KIAA0825: variants seen among roughly 807,000 people sequenced by gnomAD.
KIAA0825 encodes uncharacterized protein KIAA0825.
Under a neutral mutation model 147.6 loss-of-function variants are expected in KIAA0825, and 119 were observed. The observed-to-expected ratio is 0.81, with a 90% CI of 0.69 to 0.94. The LOEUF is 0.94. Among genes scored for constraint, KIAA0825 ranks in the 40% least tolerant of loss-of-function variants. The pLI is 0.00. For synonymous variants in KIAA0825, 470 were observed against 518.1 expected (o/e 0.91, Z 1.26); for missense variants, 1,381 against 1,472.7 (o/e 0.94, Z 1.02).
chr5:94,338,144 AT>A (rs879633923), intron 20 of KIAA0825, among the ~76,000 whole-genome samples: 2 of 152,178 alleles, frequency 1.3e-5, no homozygotes, highest in Admixed American at 1.3e-4. Context: ...ATGAGTGATA[AT>A]TCTCTCCATT....
intron 20 of KIAA0825, among the ~76,000 whole-genome samples, chr5:94,203,366 G>A (rs932397304): frequency 3.3e-5 from 5 of 152,152 alleles, no homozygotes; most frequent in Admixed American, 2.0e-4. Context: ...TGCTCACTCC[G>A]TCATTTTACC....
intron 20 of KIAA0825, among the ~76,000 whole-genome samples, chr5:94,294,477 C>T (rs1778045201): frequency 6.6e-6 from 1 of 152,152 alleles, no homozygotes; most frequent in Non-Finnish European, 1.5e-5. Flanking sequence ...CCTGTAATCC[C>T]AGCACTTTGG....
intron 20 of KIAA0825, among the ~76,000 whole-genome samples, chr5:94,212,603 C>T (rs1772813836): frequency 6.6e-6 from 1 of 152,156 alleles, no homozygotes; most frequent in African/African-American, 2.4e-5. Flanking sequence ...CCCTTGGTCA[C>T]CCCACTCCCA....
rs148234613 is a variant in KIAA0825 at position 94,157,953 on chromosome 5, G to T, written c.3711-3829C>A. On this transcript the variant is annotated intron_variant, in intron 20 of 20. Coordinates refer to ENST00000682413, the MANE Select transcript of KIAA0825 (RefSeq NM_001145678.3). Reference sequence around the variant, plus strand: ...AGGAAGGAGCAGCCAACACCAGACAGATGAGGAGGGCCAGAGTCTGGAGTG... The same window carrying T: ...AGGAAGGAGCAGCCAACACCAGACATATGAGGAGGGCCAGAGTCTGGAGTG... Among the ~76,000 whole-genome samples the T allele has an allele frequency of 1.4e-3, 215 of 152,300 alleles. 1 individual carries two copies. Among genetic ancestry groups the T allele is most frequent in the African/African-American group, 4.7e-3 (194 of 41,538 alleles).
At chr5:94,322,565 C>T (rs115733292) in intron 20 of KIAA0825, among the ~76,000 whole-genome samples, 2,358 of 151,900 alleles carry the variant, frequency 0.016, 31 homozygotes, top group Middle Eastern at 0.037. Context: ...ATTACTGAAA[C>T]TGTAATTCTC....
At chr5:94,480,486 T>G (rs558287087) in intron 6 of KIAA0825, among the ~76,000 whole-genome samples, 1 of 152,202 alleles carries the variant, frequency 6.6e-6, no homozygotes, top group African/African-American at 2.4e-5. Context: ...TTTCTATAGA[T>G]AGCTCATTTA....
At chr5:94,494,545 T>C (rs1193251082) in intron 5 of KIAA0825, among the ~76,000 whole-genome samples, 4 of 152,140 alleles carry the variant, frequency 2.6e-5, no homozygotes, top group Non-Finnish European at 5.9e-5. Flanking sequence ...TATGCTTAGA[T>C]ATGCTGACAC....
intron 2 of KIAA0825, among the ~76,000 whole-genome samples, chr5:94,563,327 C>T (rs935771282): frequency 2.0e-5 from 3 of 150,834 alleles, no homozygotes; most frequent in African/African-American, 7.3e-5. Flanking sequence ...CACTGCACTC[C>T]AGCCTGGGCA....
At chr5:94,185,888 A>G (rs1770074319) in intron 20 of KIAA0825, among the ~76,000 whole-genome samples, 2 of 152,232 alleles carry the variant, frequency 1.3e-5, no homozygotes, top group African/African-American at 4.8e-5. Flanking sequence ...AAATGGAAAT[A>G]TTAATAATAG....
chr5:94,529,452 A>AGT (rs1301227955), intron 3 of KIAA0825, among the ~76,000 whole-genome samples: 3 of 89,176 alleles, frequency 3.4e-5, no homozygotes, highest in South Asian at 3.1e-4. Flanking sequence ...GTATATATGT[A>AGT]GTGTATATAT....
chr5:94,315,101 T>A (rs182167722), intron 20 of KIAA0825, among the ~76,000 whole-genome samples: 1 of 151,840 alleles, frequency 6.6e-6, no homozygotes, highest in East Asian at 1.9e-4. Flanking sequence ...GATATGGTTC[T>A]CAGTTCTAAA....
chr5:94,175,730 T>C (rs1232865179), intron 20 of KIAA0825, among the ~76,000 whole-genome samples: 2 of 152,198 alleles, frequency 1.3e-5, no homozygotes, highest in Admixed American at 1.3e-4. Context: ...TATATTTACG[T>C]GAATTTAGGT....
At chr5:94,500,105 T>A (rs1454842784) in intron 5 of KIAA0825, among the ~76,000 whole-genome samples, 1 of 152,004 alleles carries the variant, frequency 6.6e-6, no homozygotes, top group Non-Finnish European at 1.5e-5. Flanking sequence ...GTGAAAAATA[T>A]GAGGTGGGGA....
rs1761985623 is a variant in KIAA0825, at chr5:94,477,146, T to C, written c.1192A>G (p.Asn398Asp). The C allele has an allele frequency of 6.4e-7, 1 of 1,550,712 alleles. No homozygotes were observed. ...GGTAGTGATTGCTCGGAAGGAATAT[T>C]GGTTTCGTTTGCTCTAGGTTTTTCC... Reference protein sequence around the residue: ...VMEKPRANETNIPSEQSLPGK... With the variant: ...VMEKPRANETDIPSEQSLPGK... The change falls in exon 7 of 21, where the codon AAT becomes GAT. Residue 398 changes from asparagine to aspartate, a missense_variant. Coordinates refer to ENST00000682413, the MANE Select transcript of KIAA0825 (RefSeq NM_001145678.3).
chr5:94,524,714 T>C (rs1193546933), intron 3 of KIAA0825, among the ~76,000 whole-genome samples: 1 of 151,756 alleles, frequency 6.6e-6, no homozygotes, highest in African/African-American at 2.4e-5. Flanking sequence ...TTAATAGCAA[T>C]TATATTTGGG....
chr5:94,209,964 G>C (rs962336286), intron 20 of KIAA0825, among the ~76,000 whole-genome samples: 1 of 152,102 alleles, frequency 6.6e-6, no homozygotes, highest in African/African-American at 2.4e-5. Context: ...GTCTTCCTTC[G>C]CAGAGCCCCA....
At chr5:94,599,852 G>C (rs1001641516) in intron 1 of KIAA0825, among the ~76,000 whole-genome samples, 1 of 152,118 alleles carries the variant, frequency 6.6e-6, no homozygotes, top group Non-Finnish European at 1.5e-5. Context: ...AGGTTTTGGA[G>C]CTCAGAGGAA....
At chr5:94,271,366 A>G (rs985612473) in intron 20 of KIAA0825, among the ~76,000 whole-genome samples, 23 of 152,202 alleles carry the variant, frequency 1.5e-4, no homozygotes, top group East Asian at 3.9e-4. Flanking sequence ...CAAACTACCT[A>G]TCTAACAAGG....
At chr5:94,367,657 GTT>G (rs909072559) in intron 20 of KIAA0825, among the ~76,000 whole-genome samples, 43 of 152,340 alleles carry the variant, frequency 2.8e-4, no homozygotes, top group African/African-American at 8.2e-4. Context: ...GGACTGAAGA[GTT>G]TGGGTTTGAT....
Sources: allele counts gnomAD v4.1 joint callset (sites outside exome capture counted in the v4.1 genomes callset), GRCh38; gene constraint gnomAD v4.1.1; transcripts MANE v1.5; gene names NCBI Gene and HGNC (gene_info 2026-07-23, HGNC 2026-07-21).